The following WWTR1 variants were observed in gnomAD, a reference collection of about 807,000 sequenced individuals.
The protein encoded by WWTR1 is WW domain-containing transcription regulator protein 1.
A neutral mutation model predicts 40.1 loss-of-function variants in WWTR1; 13 were observed. The observed-to-expected ratio is 0.32, with a 90% CI of 0.21 to 0.52. WWTR1 has a LOEUF of 0.52. WWTR1 is among the 20% of genes least tolerant of loss of function. The pLI, the probability that WWTR1 is intolerant of heterozygous loss-of-function variation, is 0.97. For synonymous variants in WWTR1, 230 were observed against 210.1 expected, an observed-to-expected ratio of 1.09 and a Z score of -0.82; for missense variants, 436 against 523.1, an observed-to-expected ratio of 0.83 and a Z score of 1.63.
In WWTR1 at chr3:149,608,454, T is replaced by C. The variant is rs140530607; in HGVS notation, c.432-35454A>G. ...AGGATGGAGTGCAGTGGCATGATCT[T>C]GGCTCACTGCAACCTCCATCTCCTG... On this transcript the variant is annotated intron_variant, in intron 2 of 6. Coordinates refer to ENST00000360632, the MANE Select transcript of WWTR1 (RefSeq NM_015472.6). 7.9e-3 allele frequency among the ~76,000 whole-genome samples: 1,206 copies of C among 152,086 alleles called. 18 individuals carry two copies. Among genetic ancestry groups the C allele is most frequent in the African/African-American group, 0.027 (1,125 of 41,480 alleles).
At chr3:149,569,309 AT>A (rs1003943833) in intron 3 of WWTR1, among the ~76,000 whole-genome samples, 3 of 152,322 alleles carry the variant, frequency 2.0e-5, no homozygotes, top group Non-Finnish European at 4.4e-5. Flanking sequence ...AATATAAAAT[AT>A]TTTTTGCCAT....
chr3:149,570,569 A>AAATAATAAT lies in WWTR1; in HGVS notation c.568+2286_568+2294dup, dbSNP rs71135699. Reference sequence around the variant, plus strand: ...GATGACAGGGTGAGCCTCTTTCTCAAAATAATAATAATAATAATAATAATA... The same window carrying AAATAATAAT: ...GATGACAGGGTGAGCCTCTTTCTCAAAATAATAATAATAATAATAATAATAATAATAATA... On this transcript the variant is annotated intron_variant, in intron 3 of 6. Transcript: ENST00000360632. Among the ~76,000 whole-genome samples, 194 of 146,514 alleles carry AAATAATAAT rather than the reference A, an allele frequency of 1.3e-3. 1 individual carries two copies. Among genetic ancestry groups the AAATAATAAT allele is most frequent in the African/African-American group, 3.6e-3 (143 of 40,018 alleles).
rs142282366 is a variant in WWTR1 at position 149,520,477 on chromosome 3, C to T, written c.*328G>A. 5.3e-4 allele frequency: 103 copies of T among 192,824 alleles called. No individual in the cohort carries two copies. Among genetic ancestry groups the T allele is most frequent in the African/African-American group, 2.2e-3 (97 of 43,292 alleles). The allele number at this position is 192,824 out of a possible 1,614,324, so 11.9% of individuals were successfully genotyped here. On this transcript the variant is annotated 3_prime_UTR_variant, in exon 7 of 7. Transcript: ENST00000360632. ...TTAAAATCAATTGGTGTATAAATTT[C>T]AATTAACACCCATAAAGCTTAGCCA...
At chr3:149,558,712 C>G (rs971399920) in intron 3 of WWTR1, among the ~76,000 whole-genome samples, 30 of 152,126 alleles carry the variant, frequency 2.0e-4, no homozygotes. Context: ...AAATGCCGGA[C>G]AAATCCAAAT....
intron 1 of WWTR1, chr3:149,701,758 CG>C (rs1715186725): frequency 5.8e-6 from 1 of 173,878 alleles, no homozygotes; most frequent in African/African-American, 2.4e-5. Context: ...TAAGTTGAAG[CG>C]CTCTCAGATG....
intron 1 of WWTR1, among the ~76,000 whole-genome samples, chr3:149,684,924 G>T (rs949903848): frequency 6.6e-6 from 1 of 151,958 alleles, no homozygotes; most frequent in African/African-American, 2.4e-5. Flanking sequence ...CTTCAGTTCA[G>T]ATCTCTGCTT....
intron 2 of WWTR1, among the ~76,000 whole-genome samples, chr3:149,626,356 G>A (rs1437698304): frequency 6.6e-6 from 1 of 151,940 alleles, no homozygotes; most frequent in Non-Finnish European, 1.5e-5. Context: ...AACCATCCTC[G>A]GTGCCTCAGG....
intron 2 of WWTR1, among the ~76,000 whole-genome samples, chr3:149,666,298 G>A (rs1194609275): frequency 1.3e-5 from 2 of 152,218 alleles, no homozygotes; most frequent in Non-Finnish European, 2.9e-5. Context: ...GAGCCAAGGA[G>A]AAGAGAGCCC....
At chr3:149,712,647 T>C (rs1272547772) in intron 5 of WWTR1, among the ~76,000 whole-genome samples, 2 of 152,224 alleles carry the variant, frequency 1.3e-5, no homozygotes, top group Non-Finnish European at 2.9e-5. Flanking sequence ...TGAATAGGAA[T>C]TTTGAGGATT....
chr3:149,626,103 G>A (rs1267506592), intron 2 of WWTR1, among the ~76,000 whole-genome samples: 9 of 152,146 alleles, frequency 5.9e-5, no homozygotes, highest in African/African-American at 7.2e-5. Flanking sequence ...TCCTGCAGGC[G>A]CCAGGAAACA....
At chr3:149,547,421 G>A (rs9811113) in intron 3 of WWTR1, among the ~76,000 whole-genome samples, 45,856 of 151,800 alleles carry the variant, frequency 0.3, 8,012 homozygotes, top group Non-Finnish European at 0.38. Context: ...AGCTACTCGG[G>A]AGGCTGAGGA....
At chr3:149,647,211 G>A (rs1712580331) in intron 2 of WWTR1, among the ~76,000 whole-genome samples, 1 of 152,208 alleles carries the variant, frequency 6.6e-6, no homozygotes, top group Non-Finnish European at 1.5e-5. Flanking sequence ...AGGACTGGAG[G>A]AGAGTGAAAG....
chr3:149,613,949 T>TGA (rs907442300), intron 2 of WWTR1, among the ~76,000 whole-genome samples: 1 of 151,200 alleles, frequency 6.6e-6, no homozygotes, highest in Non-Finnish European at 1.5e-5. Context: ...TAAACAAAAA[T>TGA]GAGAGAGAGA....
At chr3:149,616,075 G>T (rs1332381875) in intron 2 of WWTR1, among the ~76,000 whole-genome samples, 1 of 152,076 alleles carries the variant, frequency 6.6e-6, no homozygotes, top group Non-Finnish European at 1.5e-5. Flanking sequence ...AACAAACCAG[G>T]AATATTCCAA....
intron 2 of WWTR1, among the ~76,000 whole-genome samples, chr3:149,647,713 C>T (rs7616812): frequency 0.62 from 94,289 of 151,496 alleles, 29,473 homozygotes; most frequent in East Asian, 0.72. Flanking sequence ...ATAAAAAGAC[C>T]ATAATTTCCA....
intron 5 of WWTR1, among the ~76,000 whole-genome samples, chr3:149,716,959 T>C (rs1295676586): frequency 6.6e-6 from 1 of 152,180 alleles, no homozygotes; most frequent in South Asian, 2.1e-4. Context: ...GGCGGGTTAC[T>C]TGAGCCCAGA....
At chr3:149,687,246 A>G (rs1714684491) in intron 1 of WWTR1, among the ~76,000 whole-genome samples, 1 of 152,196 alleles carries the variant, frequency 6.6e-6, no homozygotes, top group South Asian at 2.1e-4. Flanking sequence ...CTTATCTGTA[A>G]GATAGCTGCA....
At chr3:149,680,292 C>G (rs909820029) in intron 1 of WWTR1, among the ~76,000 whole-genome samples, 2 of 152,168 alleles carry the variant, frequency 1.3e-5, no homozygotes, top group Admixed American at 6.5e-5. Flanking sequence ...GCCTGTAATC[C>G]CAGCACTTTG....
chr3:149,591,901 A>T (rs1449767378), intron 2 of WWTR1, among the ~76,000 whole-genome samples: 1 of 152,160 alleles, frequency 6.6e-6, no homozygotes, highest in African/African-American at 2.4e-5. Flanking sequence ...AGGGGGTAGG[A>T]GAAAGAATTA....
Sources: gnomAD v4.1 joint callset for allele counts (sites outside exome capture counted in the v4.1 genomes callset) on GRCh38, gnomAD v4.1.1 for gene constraint, MANE v1.5 for transcripts, NCBI Gene and HGNC (gene_info 2026-07-23, HGNC 2026-07-21) for gene names.